The following SMOX variants were observed in gnomAD, a reference collection of about 807,000 sequenced individuals.
The protein encoded by SMOX is spermine oxidase.
In SMOX, 22 loss-of-function variants were observed where a neutral mutation model predicts 51.0. That is an observed-to-expected ratio of 0.43 (90% CI 0.31 to 0.62). The LOEUF (loss-of-function observed/expected upper bound fraction) is 0.62, where lower values mean the gene tolerates loss of function less well. Ranked by LOEUF, SMOX falls within the 20% of genes least tolerant of loss-of-function variation. SMOX has a pLI of 0.10. For synonymous variants in SMOX, 282 were observed against 307.8 expected, an observed-to-expected ratio of 0.92 and a Z score of 0.88; for missense variants, 566 against 777.7, an observed-to-expected ratio of 0.73 and a Z score of 3.24.
chr20:4,158,102 T>TG (rs771976721), intron 1 of SMOX, among the ~76,000 whole-genome samples: 9 of 148,136 alleles, frequency 6.1e-5, no homozygotes, highest in Non-Finnish European at 1.2e-4. Flanking sequence ...GTGTTTCACC[T>TG]TGTTAGCCAG....
chr20:4,157,029 C>T (rs1163724108), intron 1 of SMOX, among the ~76,000 whole-genome samples: 2 of 152,188 alleles, frequency 1.3e-5, no homozygotes, highest in East Asian at 1.9e-4. Flanking sequence ...AGATGTGAGC[C>T]GCTGTGCCCG....
chr20:4,159,543 A>G (rs1986212389), intron 1 of SMOX, among the ~76,000 whole-genome samples: 1 of 152,214 alleles, frequency 6.6e-6, no homozygotes, highest in Non-Finnish European at 1.5e-5. Context: ...CTATGGGGGT[A>G]TTGATGTGAG....
In SMOX at chr20:4,167,959, C is replaced by T. The variant is rs929192200; in HGVS notation, c.-26-7071C>T. Among the ~76,000 whole-genome samples, 8 of 152,046 alleles carry T rather than the reference C, an allele frequency of 5.3e-5. No homozygotes were observed. Among genetic ancestry groups the T allele is most frequent in the Non-Finnish European group, 1.2e-4 (8 of 68,012 alleles). On this transcript the variant is annotated intron_variant, in intron 1 of 6. Transcript: ENST00000305958. This position sits in a 1 kb window ranked among gnomAD's most constrained non-coding sequence, Gnocchi z 4.8. ...AAGCAGCTGGTCTGGGATTTCTGGG[C>T]GTTTTTACATTTGAAGAATAATTGC...
intron 6 of SMOX, among the ~76,000 whole-genome samples, chr20:4,185,317 C>A (rs2122598694): frequency 6.6e-6 from 1 of 152,240 alleles, no homozygotes; most frequent in East Asian, 1.9e-4. Flanking sequence ...GTAACAGCCT[C>A]TGTGGGCTCC....
chr20:4,166,718 G>A lies in SMOX; in HGVS notation c.-26-8312G>A, dbSNP rs557203492. Among the ~76,000 whole-genome samples the A allele has an allele frequency of 2.6e-5, 4 of 152,172 alleles. No homozygotes were observed. The South Asian group carries it at 6.2e-4, about 24-fold the overall frequency. ...TGGCCCCAGAGTGCTCACCTCTCCC[G>A]GGGGCCTCCCGCTCTTGCCTCCCAG... On this transcript the variant is annotated intron_variant, in intron 1 of 6. Coordinates refer to ENST00000305958, the MANE Select transcript of SMOX (RefSeq NM_175839.3). This position sits in a 1 kb window ranked among gnomAD's most constrained non-coding sequence, Gnocchi z 4.2.
chr20:4,183,763 G>T lies in SMOX; in HGVS notation c.1530+109G>T, dbSNP rs1170408282. The T allele has an allele frequency of 3.8e-5, 50 of 1,304,846 alleles. No individual in the cohort carries two copies. Among genetic ancestry groups the T allele is most frequent in the Non-Finnish European group, 4.9e-5 (49 of 992,802 alleles). 80.8% of individuals were successfully genotyped at this position (1,304,846 alleles called of 1,614,324 possible). ...AGTGTTCACTAAGGGGTGCTCAGGT[G>T]AGGCAGGGATGGAGTAGCTTCTGTA... On this transcript the variant is annotated intron_variant, in intron 6 of 6. Coordinates refer to ENST00000305958, the MANE Select transcript of SMOX (RefSeq NM_175839.3). The surrounding 1 kb of genome is among the most constrained non-coding windows in gnomAD (Gnocchi z 4.3).
Position 4,182,979 on chromosome 20 carries a change from A to T in SMOX, c.1369+131A>T. On this transcript the variant is annotated intron_variant, in intron 5 of 6. Transcript: ENST00000305958. The surrounding 1 kb of genome is among the most constrained non-coding windows in gnomAD (Gnocchi z 8.4). ...GGATGCTGTGCCCCACGGGAGAGCC[A>T]CTGCAGGGTGCCACATTCAGCCAAA... 1 of 1,313,130 alleles carries T rather than the reference A, an allele frequency of 7.6e-7. No individual in the cohort carries two copies. Among genetic ancestry groups the T allele is most frequent in the South Asian group, 1.5e-5 (1 of 65,790 alleles). 81.3% of individuals were successfully genotyped at this position (1,313,130 alleles called of 1,614,324 possible). A position where few individuals can be genotyped will look rare whatever the true frequency, so the allele number is the denominator to read the frequency against.
At position 4,177,783 on chromosome 20, in the gene SMOX, A is replaced by G. The variant is rs1396683234; in HGVS notation, c.435+206A>G. Among the ~76,000 whole-genome samples, 2 of 152,252 alleles carry G rather than the reference A, an allele frequency of 1.3e-5. No homozygotes were observed. Among genetic ancestry groups the G allele is most frequent in the Non-Finnish European group, 2.9e-5 (2 of 68,044 alleles). On this transcript the variant is annotated intron_variant, in intron 3 of 6. Coordinates refer to ENST00000305958, the MANE Select transcript of SMOX (RefSeq NM_175839.3). This position sits in a 1 kb window ranked among gnomAD's most constrained non-coding sequence, Gnocchi z 4.3. Reference sequence around the variant, plus strand: ...CTAAATTATTTTTAATTCTAATAATACATCTATTATGTTAATTGTATTAAT... The same window carrying G: ...CTAAATTATTTTTAATTCTAATAATGCATCTATTATGTTAATTGTATTAAT...
In SMOX at chr20:4,177,571, C is replaced by G; in HGVS notation, c.429C>G (p.Tyr143Ter). ...TGGTTGAGGAATTCAGCGATTTATA[C>G]AACGAGGTAAGGTGTGAGCAGAGTA... ...KDVVEEFSDLYNEVYNLTQEF... is the reference protein window; with the variant it reads ...KDVVEEFSDL The change falls in exon 3 of 7, where the codon TAC becomes TAG. Residue 143 changes from tyrosine to a stop codon, truncating the protein, a stop_gained. Transcript: ENST00000305958. LOFTEE classifies it high-confidence loss of function. This position sits in a 1 kb window ranked among gnomAD's most constrained non-coding sequence, Gnocchi z 4.3. The G allele has an allele frequency of 6.3e-7, 1 of 1,585,398 alleles. No homozygotes were observed. The highest frequency in any genetic ancestry group is 8.6e-7 in the Non-Finnish European group (1 of 1,164,544).
intron 1 of SMOX, among the ~76,000 whole-genome samples, chr20:4,165,692 C>T (rs1986542464): frequency 6.6e-6 from 1 of 152,134 alleles, no homozygotes; most frequent in Non-Finnish European, 1.5e-5. Flanking sequence ...GCTGGCCTCT[C>T]TCAGGGTAGG....
Position 4,177,274 on chromosome 20 carries a change from G to A in SMOX, c.209-77G>A. 7.9e-7 allele frequency: 1 copy of A among 1,264,386 alleles called. No individual in the cohort carries two copies. The highest frequency in any genetic ancestry group is 1.5e-5 in the African/African-American group (1 of 66,766). 78.3% of individuals were successfully genotyped at this position (1,264,386 alleles called of 1,614,324 possible). On this transcript the variant is annotated intron_variant, in intron 2 of 6. Coordinates refer to ENST00000305958, the MANE Select transcript of SMOX (RefSeq NM_175839.3). The surrounding 1 kb of genome is among the most constrained non-coding windows in gnomAD (Gnocchi z 4.3). ...TGTAGGGTGGAAAGACCCTCTTGGAGGAAGGAGGGGGAAGCAGTGCTGGCC... is the reference window on the plus strand; with the variant it reads ...TGTAGGGTGGAAAGACCCTCTTGGAAGAAGGAGGGGGAAGCAGTGCTGGCC...
chr20:4,167,880 G>C lies in SMOX; in HGVS notation c.-26-7150G>C, dbSNP rs910666125. Among the ~76,000 whole-genome samples, 2 of 152,162 alleles carry C rather than the reference G, an allele frequency of 1.3e-5. No homozygotes were observed. The highest frequency in any genetic ancestry group is 1.5e-5 in the Non-Finnish European group (1 of 68,022). ...GGGCCCAGCCCCTCCCTGGTTGAGGGGTGGGAGGAGCCTCACCGCAGACAC... is the reference window on the plus strand; with the variant it reads ...GGGCCCAGCCCCTCCCTGGTTGAGGCGTGGGAGGAGCCTCACCGCAGACAC... On this transcript the variant is annotated intron_variant, in intron 1 of 6. Transcript: ENST00000305958. The surrounding 1 kb of genome is among the most constrained non-coding windows in gnomAD (Gnocchi z 4.8).
chr20:4,162,252 G>GACTCCCA (rs1026069848), intron 1 of SMOX, among the ~76,000 whole-genome samples: 1 of 151,664 alleles, frequency 6.6e-6, no homozygotes, highest in East Asian at 1.9e-4. Context: ...CCCCACTCCC[G>GACTCCCA]ACTCCCAACT....
In SMOX at chr20:4,187,393, C is replaced by T; in HGVS notation, c.1654C>T (p.Gln552Ter). The change falls in exon 7 of 7, where the codon CAG becomes TAG. Residue 552 changes from glutamine (Q) to a stop codon, truncating the protein, a stop_gained. Coordinates refer to ENST00000305958, the MANE Select transcript of SMOX (RefSeq NM_175839.3). LOFTEE classifies it high-confidence loss of function. This position sits in a 1 kb window ranked among gnomAD's most constrained non-coding sequence, Gnocchi z 4.8. ...RLIEMYRDLF[Q>*]QGT is the part of the protein sequence containing the mutation. ...CATTGAGATGTACCGAGACCTCTTCCAGCAGGGGACCTGAGGGCTGTCCTC... is the reference window on the plus strand; with the variant it reads ...CATTGAGATGTACCGAGACCTCTTCTAGCAGGGGACCTGAGGGCTGTCCTC... 3.7e-6 allele frequency: 6 copies of T among 1,614,030 alleles called. No homozygotes were observed. The highest frequency in any genetic ancestry group is 5.1e-6 in the Non-Finnish European group (6 of 1,179,954).
chr20:4,159,404 G>A (rs1986204226), intron 1 of SMOX, among the ~76,000 whole-genome samples: 2 of 152,144 alleles, frequency 1.3e-5, no homozygotes, highest in Admixed American at 6.5e-5. Context: ...GAGCCACTGC[G>A]CCCAGCTGCT....
At chr20:4,162,330 C>G (rs1460524482) in intron 1 of SMOX, among the ~76,000 whole-genome samples, 1 of 152,202 alleles carries the variant, frequency 6.6e-6, no homozygotes, top group Non-Finnish European at 1.5e-5. Flanking sequence ...AGTGTGGGAC[C>G]AGGGGATTCC....
chr20:4,180,376 C>T (rs1465630961), intron 3 of SMOX, among the ~76,000 whole-genome samples: 2 of 152,136 alleles, frequency 1.3e-5, no homozygotes, highest in African/African-American at 4.8e-5. Flanking sequence ...AGGGCCTAGC[C>T]CAGGGCTGGG....
chr20:4,163,785 A>G (rs1166912059), intron 1 of SMOX, among the ~76,000 whole-genome samples: 3 of 152,166 alleles, frequency 2.0e-5, no homozygotes, highest in Admixed American at 6.5e-5. Context: ...GGGCTGCCCC[A>G]GGGTTGCTTG....
intron 1 of SMOX, among the ~76,000 whole-genome samples, chr20:4,173,934 C>T (rs1978620547): frequency 6.6e-6 from 1 of 152,272 alleles, no homozygotes; most frequent in Non-Finnish European, 1.5e-5. Context: ...GGCCTCCCAG[C>T]CATCAGCTCC....
Sources: gnomAD v4.1 joint callset for allele counts (sites outside exome capture counted in the v4.1 genomes callset) on GRCh38, gnomAD v4.1.1 for gene constraint, Gnocchi (gnomAD v3.1) non-coding constraint, MANE v1.5 for transcripts, NCBI Gene and HGNC (gene_info 2026-07-23, HGNC 2026-07-21) for gene names.